Variants in TMEM117 observed in about 807,000 individuals in gnomAD.
The protein encoded by TMEM117 is transmembrane protein 117.
In TMEM117, 27 loss-of-function variants were observed where a neutral mutation model predicts 52.4. The ratio of observed to expected loss-of-function variants is 0.51; its 90% CI spans 0.38 to 0.71. The LOEUF is 0.71. Among genes scored for constraint, TMEM117 ranks in the 30% least tolerant of loss-of-function variants. TMEM117 has a pLI of 0.00. For synonymous variants in TMEM117, 215 were observed against 206.3 expected, an observed-to-expected ratio of 1.04 and a Z score of -0.36; for missense variants, 556 against 630.5, an observed-to-expected ratio of 0.88 and a Z score of 1.26.
intron 6 of TMEM117, among the ~76,000 whole-genome samples, chr12:44,347,649 C>G (rs1020848432): frequency 2.6e-5 from 4 of 151,976 alleles, no homozygotes; most frequent in Non-Finnish European, 5.9e-5. Context: ...TGCAGCTGTC[C>G]CTTCTCTCTT....
intron 2 of TMEM117, among the ~76,000 whole-genome samples, chr12:43,874,600 A>T (rs1333666498): frequency 6.6e-6 from 1 of 152,176 alleles, no homozygotes; most frequent in Non-Finnish European, 1.5e-5. Flanking sequence ...TCAAAAAAGC[A>T]AGCAAACAAA....
rs139292721 is a variant in TMEM117, at chr12:44,365,800, G to C, written c.769-10795G>C. ...CTTTAAGTTCTAGGGTACATGTGCA[G>C]AACGTGCAGGTTTGTTACATATGTA... is the stretch of plus-strand genomic sequence containing the variant. On this transcript the variant is annotated intron_variant, in intron 6 of 7. Transcript: ENST00000266534. 1.5e-3 allele frequency among the ~76,000 whole-genome samples: 226 copies of C among 151,902 alleles called. 6 individuals carry two copies. The East Asian group carries it at 0.042, about 29-fold the overall frequency.
intron 5 of TMEM117, among the ~76,000 whole-genome samples, chr12:44,219,808 A>G (rs1210162174): frequency 1.3e-5 from 2 of 152,174 alleles, no homozygotes; most frequent in African/African-American, 2.4e-5. Flanking sequence ...TGCCAAAAGC[A>G]TCTACTAGGG....
intron 4 of TMEM117, among the ~76,000 whole-genome samples, chr12:44,152,881 G>T (rs1948773888): frequency 6.9e-6 from 1 of 145,128 alleles, no homozygotes; most frequent in Admixed American, 7.1e-5. Context: ...GAACCATTTT[G>T]ACCTCAACCT....
chr12:43,819,634 G>A, the TMEM117 span, among the ~76,000 whole-genome samples: 2 of 152,150 alleles, frequency 1.3e-5, no homozygotes, highest in African/African-American at 2.4e-5. Context: ...TTAGCTGGGC[G>A]TGGTGGCGCG....
At chr12:44,129,031 C>T (rs1396525537) in intron 3 of TMEM117, among the ~76,000 whole-genome samples, 2 of 152,158 alleles carry the variant, frequency 1.3e-5, no homozygotes, top group Non-Finnish European at 2.9e-5. Context: ...TATTCTTCTA[C>T]TTCATGTGTG....
intron 5 of TMEM117, among the ~76,000 whole-genome samples, chr12:44,274,260 A>G (rs779847522): frequency 1.1e-4 from 17 of 152,026 alleles, no homozygotes; most frequent in Non-Finnish European, 1.5e-4. Context: ...AAGTGAAAGA[A>G]CTTAGTAATG....
chr12:44,065,605 C>A (rs893734968), intron 3 of TMEM117, among the ~76,000 whole-genome samples: 8 of 152,098 alleles, frequency 5.3e-5, no homozygotes, highest in African/African-American at 1.9e-4. Flanking sequence ...TTGGCAAAAT[C>A]AAAACTCCAC....
At chr12:44,383,094 C>T (rs576039798) in intron 7 of TMEM117, among the ~76,000 whole-genome samples, 6 of 152,248 alleles carry the variant, frequency 3.9e-5, no homozygotes, top group East Asian at 1.9e-4. Flanking sequence ...CTTTGGGGAG[C>T]GTAACCACAT....
chr12:43,820,964 G>A, the TMEM117 span, among the ~76,000 whole-genome samples: 10 of 151,892 alleles, frequency 6.6e-5, no homozygotes, highest in Middle Eastern at 3.4e-3. Flanking sequence ...GTGTGTTGGC[G>A]GACGCCTCCA....
chr12:43,983,284 C>A (rs1945790314), intron 3 of TMEM117, among the ~76,000 whole-genome samples: 1 of 152,028 alleles, frequency 6.6e-6, no homozygotes, highest in Non-Finnish European at 1.5e-5. Flanking sequence ...AGGGCAAGAT[C>A]CAGTGCAGGA....
chr12:44,303,602 C>G, intron 6 of TMEM117, among the ~76,000 whole-genome samples: 1 of 152,184 alleles, frequency 6.6e-6, no homozygotes, highest in East Asian at 1.9e-4. Flanking sequence ...GTGACTCACA[C>G]ATGCTACGTA....
intron 7 of TMEM117, among the ~76,000 whole-genome samples, chr12:44,379,173 G>A (rs528959897): frequency 6.6e-6 from 1 of 151,002 alleles, no homozygotes; most frequent in East Asian, 2.0e-4. Flanking sequence ...GAAGGAGGGA[G>A]GGAAGGAAGG....
At chr12:44,032,484 A>G (rs1946648620) in intron 3 of TMEM117, among the ~76,000 whole-genome samples, 2 of 152,226 alleles carry the variant, frequency 1.3e-5, no homozygotes, top group African/African-American at 4.8e-5. Flanking sequence ...TCAGTATTCT[A>G]ATCGTGGCCA....
chr12:44,037,243 A>G (rs1946723755), intron 3 of TMEM117, among the ~76,000 whole-genome samples: 1 of 152,178 alleles, frequency 6.6e-6, no homozygotes, highest in Admixed American at 6.5e-5. Flanking sequence ...AAACAGCTAT[A>G]GCCATCCAGC....
At chr12:44,252,128 T>C (rs1399535722) in intron 5 of TMEM117, among the ~76,000 whole-genome samples, 3 of 152,228 alleles carry the variant, frequency 2.0e-5, no homozygotes, top group Non-Finnish European at 4.4e-5. Flanking sequence ...ATGCTTCGTC[T>C]CTGGTGACTC....
chr12:43,813,943 T>G, the TMEM117 span, among the ~76,000 whole-genome samples: 2 of 151,984 alleles, frequency 1.3e-5, no homozygotes, highest in African/African-American at 4.8e-5. Context: ...TCTAGCTCAT[T>G]AACAGTGAAG....
chr12:43,895,629 T>C (rs1393320786), intron 2 of TMEM117, among the ~76,000 whole-genome samples: 1 of 152,198 alleles, frequency 6.6e-6, no homozygotes, highest in Non-Finnish European at 1.5e-5. Flanking sequence ...AACAACTGTC[T>C]GAAGTGGTGG....
intron 3 of TMEM117, among the ~76,000 whole-genome samples, chr12:43,965,249 A>T (rs141755602): frequency 6.6e-6 from 1 of 152,244 alleles, no homozygotes; most frequent in African/African-American, 2.4e-5. Flanking sequence ...TAAAAAGAAA[A>T]TAAGGAAAAG....
Sources: allele counts gnomAD v4.1 joint callset (sites outside exome capture counted in the v4.1 genomes callset), GRCh38; gene constraint gnomAD v4.1.1; transcripts MANE v1.5; gene names NCBI Gene and HGNC (gene_info 2026-07-23, HGNC 2026-07-21).